KDR: variants seen among roughly 807,000 people sequenced by gnomAD.
KDR encodes vascular endothelial growth factor receptor 2.
A neutral mutation model predicts 160.9 loss-of-function variants in KDR; 43 were observed. The ratio of observed to expected loss-of-function variants is 0.27; its 90% CI spans 0.21 to 0.34. KDR has a LOEUF of 0.34. Among genes scored for constraint, KDR ranks in the 10% least tolerant of loss-of-function variants. The pLI is 1.00. For synonymous variants in KDR, 617 were observed against 600.1 expected, an observed-to-expected ratio of 1.03 and a Z score of -0.41; for missense variants, 1,469 against 1,666.4, an observed-to-expected ratio of 0.88 and a Z score of 2.06.
Position 55,115,005 on chromosome 4 carries a change from C to A in KDR, c.527G>T (p.Arg176Ile), listed in dbSNP as rs2110031717. Residue 176 changes from arginine to isoleucine, a missense_variant, in exon 5 of 30, where the codon AGA becomes ATA. Coordinates refer to ENST00000263923, the MANE Select transcript of KDR (RefSeq NM_002253.4). Reference sequence around the variant, plus strand: ...GCCCTTCTTGCTGTCCCAGGAAATTCTGTTACCATCAGGAACAAATCTCTT... The same window carrying A: ...GCCCTTCTTGCTGTCCCAGGAAATTATGTTACCATCAGGAACAAATCTCTT... Reference protein sequence around the residue: ...PEKRFVPDGNRISWDSKKGFT... With the variant: ...PEKRFVPDGNIISWDSKKGFT... 1 of 1,613,688 alleles carries A rather than the reference C, an allele frequency of 6.2e-7. No individual in the cohort carries two copies.
At chr4:55,114,659 T>A (rs547083288) in intron 5 of KDR, among the ~76,000 whole-genome samples, 52 of 152,342 alleles carry the variant, frequency 3.4e-4, no homozygotes, top group African/African-American at 9.1e-4. Flanking sequence ...ATCCTTTTTT[T>A]AAAAAGTTTT....
chr4:55,086,614 C>A (rs1719872037), intron 27 of KDR, among the ~76,000 whole-genome samples: 1 of 152,210 alleles, frequency 6.6e-6, no homozygotes, highest in African/African-American at 2.4e-5. Context: ...TAAAAATATG[C>A]CTAATGCTTT....
chr4:55,098,622 C>A, intron 16 of KDR, 75 bp downstream of exon 16: 1 of 1,136,742 alleles, frequency 8.8e-7, no homozygotes, highest in South Asian at 1.2e-5. Context: ...GAAGAAACAA[C>A]TCAAAGAACC....
At chr4:55,098,437 TC>T (rs1034385646) in intron 16 of KDR, among the ~76,000 whole-genome samples, 165 bp from the exon 17 acceptor site, 5 of 152,078 alleles carry the variant, frequency 3.3e-5, no homozygotes, top group Non-Finnish European at 5.9e-5. Flanking sequence ...GTTTCCCTTG[TC>T]CCCCAAAGGA....
intron 19 of KDR, 139 bp from the exon 20 acceptor site, chr4:55,095,804 G>T: frequency 2.8e-6 from 2 of 704,852 alleles, no homozygotes; most frequent in South Asian, 1.5e-5. Context: ...AAATCAGCTG[G>T]TCCCAATCCC....
intron 2 of KDR, among the ~76,000 whole-genome samples, chr4:55,120,226 G>A (rs954385399): frequency 6.6e-6 from 1 of 152,120 alleles, no homozygotes; most frequent in Non-Finnish European, 1.5e-5. Context: ...CAAGTATGAA[G>A]CAATGGCAAT....
intron 2 of KDR, among the ~76,000 whole-genome samples, chr4:55,120,888 A>T (rs1345021110): frequency 6.6e-6 from 1 of 151,902 alleles, no homozygotes; most frequent in East Asian, 1.9e-4. Context: ...GTTGGCAGAG[A>T]ATAGTATAAA....
chr4:55,114,215 A>G lies in KDR; in HGVS notation c.709T>C (p.Ser237Pro). The stretch of plus-strand genomic sequence containing the variant: ...TTTAAGACAAGCTTTTCTCCAACAG[A>G]TAGTTCAATTCCATGAGACGGACTC... ...VLSPSHGIEL[S>P]VGEKLVLNCT... The change falls in exon 6 of 30, where the codon TCT becomes CCT. Residue 237 changes from serine (S) to proline (P), a missense_variant. Coordinates refer to ENST00000263923, the MANE Select transcript of KDR (RefSeq NM_002253.4). 6.2e-7 allele frequency: 1 copy of G among 1,614,018 alleles called. No homozygotes were observed. The highest frequency in any genetic ancestry group is 8.5e-7 in the Non-Finnish European group (1 of 1,179,902).
intron 12 of KDR, 27 bp downstream of exon 12, chr4:55,105,805 C>T (rs748328225): frequency 2.8e-5 from 40 of 1,424,098 alleles, no homozygotes; most frequent in Admixed American, 2.5e-4. Flanking sequence ...AGTGATCCAA[C>T]CCAAACCTCC....
chr4:55,110,231 G>C (rs1269846878), intron 9 of KDR, among the ~76,000 whole-genome samples, 172 bp downstream of exon 9: 1 of 152,184 alleles, frequency 6.6e-6, no homozygotes, highest in African/African-American at 2.4e-5. Context: ...CATGGCCAGA[G>C]CACATGGTCC....
At chr4:55,104,555 G>C (rs779631247) in intron 13 of KDR, 88 bp downstream of exon 13, 1 of 989,944 alleles carries the variant, frequency 1.0e-6, no homozygotes, top group Non-Finnish European at 1.6e-6. Flanking sequence ...TCTCCTAGAG[G>C]ACAGTAATCT....
intron 21 of KDR, 143 bp from the exon 22 acceptor site, chr4:55,092,857 C>T: frequency 1.4e-6 from 1 of 690,776 alleles, no homozygotes; most frequent in Non-Finnish European, 2.6e-6. Context: ...CTTCTATCTT[C>T]TGTAAATCTC....
intron 3 of KDR, 138 bp downstream of exon 3, chr4:55,118,466 G>A: frequency 1.4e-6 from 1 of 725,470 alleles, no homozygotes; most frequent in South Asian, 1.5e-5. Flanking sequence ...AAAGCCTCAG[G>A]AGAGAAGAAT....
intron 21 of KDR, among the ~76,000 whole-genome samples, chr4:55,093,113 T>C (rs1179171409): frequency 1.3e-5 from 2 of 152,228 alleles, no homozygotes; most frequent in Non-Finnish European, 2.9e-5. Context: ...TTCAGGGTCA[T>C]TGAATCTCTT....
chr4:55,095,562 T>G lies in KDR; in HGVS notation c.2817+15A>C. On this transcript the variant is annotated intron_variant, in intron 20 of 29. Coordinates refer to ENST00000263923, the MANE Select transcript of KDR (RefSeq NM_002253.4). ...TTTTATAACATGGCCAGAGCAGGAT[T>G]AGGAGATGACATACCTTGTAGGGGA... is the stretch of plus-strand genomic sequence containing the variant. 6.4e-7 allele frequency: 1 copy of G among 1,556,344 alleles called. No homozygotes were observed. Among genetic ancestry groups the G allele is most frequent in the Non-Finnish European group, 8.9e-7 (1 of 1,127,204 alleles).
At chr4:55,089,934 T>A in intron 23 of KDR, 22 bp downstream of exon 23, 1 of 1,613,874 alleles carries the variant, frequency 6.2e-7, no homozygotes, top group Non-Finnish European at 8.5e-7. Context: ...AACCAAGCAC[T>A]GGGTTCATAT....
chr4:55,125,023 C>G (rs1017390317), intron 1 of KDR, among the ~76,000 whole-genome samples: 1 of 152,162 alleles, frequency 6.6e-6, no homozygotes, highest in Non-Finnish European at 1.5e-5. Flanking sequence ...AGGAACTGGG[C>G]TAGAGCACAG....
intron 1 of KDR, among the ~76,000 whole-genome samples, chr4:55,121,479 C>T (rs745681866): frequency 3.9e-5 from 6 of 152,300 alleles, no homozygotes; most frequent in Admixed American, 3.3e-4. Context: ...CAAAAGGATA[C>T]GGGACATTGA....
chr4:55,104,678 T>C lies in KDR; in HGVS notation c.1952A>G (p.Lys651Arg), dbSNP rs1353678100. ...VCLAQDRKTK[K>R]RHCVVRQLTV... The stretch of plus-strand genomic sequence containing the variant: ...GAGCTGCCTGACCACGCAATGTCTT[T>C]TCTTGGTCTTCCTGTCTTGAGCAAG... Residue 651 changes from lysine to arginine, a missense_variant, in exon 13 of 30, where the codon AAA becomes AGA. This residue lies in a region of KDR where 792 missense variants were observed against 840.9 expected (regional missense o/e 0.94). Coordinates refer to ENST00000263923, the MANE Select transcript of KDR (RefSeq NM_002253.4). 1 of 1,613,682 alleles carries C rather than the reference T, an allele frequency of 6.2e-7. No individual in the cohort carries two copies. The highest frequency in any genetic ancestry group is 1.7e-5 in the Admixed American group (1 of 59,958).
Sources: allele counts gnomAD v4.1 joint callset (sites outside exome capture counted in the v4.1 genomes callset), GRCh38; gene constraint gnomAD v4.1.1; regional missense constraint gnomAD v4.1.1; transcripts MANE v1.5; gene names NCBI Gene and HGNC (gene_info 2026-07-23, HGNC 2026-07-21).